The following GOSR2 variants were observed in gnomAD, a reference collection of about 807,000 sequenced individuals.
The protein encoded by GOSR2 is 27 kDa Golgi SNARE protein.
In GOSR2, 20 loss-of-function variants were observed where a neutral mutation model predicts 27.9. That is an observed-to-expected ratio of 0.72 (90% confidence interval 0.50 to 1.04). GOSR2 has a LOEUF of 1.04. GOSR2 is among the 50% of genes least tolerant of loss of function. The probability of loss-of-function intolerance (pLI) is 0.00; values close to 1 mark genes in which losing one functional copy is unlikely to be tolerated. For synonymous variants in GOSR2, 91 were observed against 98.8 expected (o/e 0.92, Z 0.47); for missense variants, 261 against 270.5 (o/e 0.97, Z 0.25).
intron 6 of GOSR2, among the ~76,000 whole-genome samples, chr17:46,956,011 A>T (rs1209061653): frequency 1.3e-5 from 2 of 152,310 alleles, no homozygotes; most frequent in East Asian, 3.9e-4. Flanking sequence ...AAATCTTTCC[A>T]TGCCCCATGG....
At chr17:46,951,783 G>T (rs148490639) in intron 6 of GOSR2, among the ~76,000 whole-genome samples, 10 of 152,210 alleles carry the variant, frequency 6.6e-5, no homozygotes, top group Non-Finnish European at 1.3e-4. Context: ...AGGAAAAATG[G>T]CCCAGGGTGG....
At chr17:46,952,689 A>C (rs899587639) in intron 6 of GOSR2, 1 of 152,248 alleles carries the variant, frequency 6.6e-6, no homozygotes, top group African/African-American at 2.4e-5. Flanking sequence ...CTGAGAATAA[A>C]GTGATCCGAG....
At chr17:46,960,597 C>A (rs2090996611) in intron 6 of GOSR2, among the ~76,000 whole-genome samples, 1 of 152,092 alleles carries the variant, frequency 6.6e-6, no homozygotes, top group Admixed American at 6.6e-5. Context: ...GGATACAACC[C>A]AAATATCCTT....
intron 6 of GOSR2, among the ~76,000 whole-genome samples, chr17:46,959,387 C>T (rs2090927123): frequency 6.6e-6 from 1 of 152,210 alleles, no homozygotes; most frequent in South Asian, 2.1e-4. Context: ...GTCTGGTAGT[C>T]CTCAAAAGCC....
At chr17:46,933,630 C>CATTTTTTTTTTTTTTTTTTTTT in intron 4 of GOSR2, 1 of 35,002 alleles carries the variant, frequency 2.9e-5, no homozygotes, top group African/African-American at 7.6e-5. Context: ...AGTGGCATAA[C>CATTTTTTTTTTTTTTTTTTTTT]CTTTTTTTTT....
At chr17:46,969,864 C>G (rs1469366914), downstream of GOSR2, among the ~76,000 whole-genome samples, 3 of 152,176 alleles carry the variant, frequency 2.0e-5, no homozygotes, top group Non-Finnish European at 4.4e-5. Context: ...TTCGCGATCC[C>G]CTTGCCCCCT....
At chr17:46,943,856 C>A (rs756915764), downstream of GOSR2, among the ~76,000 whole-genome samples, 1 of 152,198 alleles carries the variant, frequency 6.6e-6, no homozygotes, top group African/African-American at 2.4e-5. Flanking sequence ...GTAGAGTGAC[C>A]AACTTGTCTG....
At chr17:46,964,294 C>T (rs929344376) in intron 6 of GOSR2, 1 of 152,272 alleles carries the variant, frequency 6.6e-6, no homozygotes, top group African/African-American at 2.4e-5. Flanking sequence ...ACATTGGACT[C>T]CTCCTCCAGG....
downstream of GOSR2, among the ~76,000 whole-genome samples, chr17:46,967,180 T>C (rs1247360116): frequency 1.3e-5 from 2 of 152,246 alleles, no homozygotes; most frequent in African/African-American, 4.8e-5. Context: ...GCATGTGCCA[T>C]GCACTGTGGC....
chr17:46,953,072 GT>G (rs1172325409), intron 6 of GOSR2, among the ~76,000 whole-genome samples: 1 of 151,706 alleles, frequency 6.6e-6, no homozygotes, highest in Non-Finnish European at 1.5e-5. Context: ...TTTTACGTAA[GT>G]TTTAGGGTAC....
intron 1 of GOSR2, 50 bp from the exon 2 acceptor site, chr17:46,929,470 C>G (rs748057336): frequency 1.1e-6 from 1 of 909,700 alleles, no homozygotes; most frequent in Non-Finnish European, 1.9e-6. Context: ...CTGACTGAAG[C>G]GCTGTTGATT....
downstream of GOSR2, among the ~76,000 whole-genome samples, chr17:46,946,282 C>CAAAA (rs58163051): frequency 1.2e-4 from 15 of 126,654 alleles, no homozygotes; most frequent in East Asian, 6.9e-4. Flanking sequence ...CTAAAAATAC[C>CAAAA]AAAAAAAAAA....
rs536508989 is a variant in GOSR2 at position 46,926,618 on chromosome 17, A to T, written c.30-2902A>T. On this transcript the variant is annotated intron_variant, in intron 1 of 5. Coordinates refer to ENST00000640051, the MANE Select transcript of GOSR2 (RefSeq NM_004287.5). ...CTTGTGTATCACCTGTTTCTTATGGACTTCCAGTGTGTTATGTTGTGTTAG... is the reference window on the plus strand; with the variant it reads ...CTTGTGTATCACCTGTTTCTTATGGTCTTCCAGTGTGTTATGTTGTGTTAG... 4.9e-4 allele frequency among the ~76,000 whole-genome samples: 75 copies of T among 152,218 alleles called. 1 individual carries two copies. The highest frequency in any genetic ancestry group is 1.8e-3 in the African/African-American group (74 of 41,512).
intron 6 of GOSR2, among the ~76,000 whole-genome samples, chr17:46,974,987 C>CTTTTTTTTTTTT (rs58438726): frequency 6.7e-5 from 8 of 119,062 alleles, no homozygotes; most frequent in Non-Finnish European, 1.2e-4. Context: ...TTACTATTTT[C>CTTTTTTTTTTTT]TTTTTTTTTT....
chr17:46,942,700 G>T (rs750694626), downstream of GOSR2, among the ~76,000 whole-genome samples: 2 of 152,258 alleles, frequency 1.3e-5, no homozygotes, highest in Non-Finnish European at 2.9e-5. Flanking sequence ...CTCAGGCCTT[G>T]CCCCTAGGGG....
chr17:46,939,803 G>C lies in GOSR2; in HGVS notation c.*1043G>C. 1.0e-6 allele frequency: 1 copy of C among 987,706 alleles called. No homozygotes were observed. Among genetic ancestry groups the C allele is most frequent in the Non-Finnish European group, 1.2e-6 (1 of 831,170 alleles). 61.2% of individuals were successfully genotyped at this position (987,706 alleles called of 1,614,324 possible). ...CCTTCTGTGACCAGCCCCGGATTCA[G>C]GCTGTACTAATACCAGGTATATTGT... On this transcript the variant is annotated 3_prime_UTR_variant, in exon 6 of 6. Coordinates refer to ENST00000640051, the MANE Select transcript of GOSR2 (RefSeq NM_004287.5).
intron 6 of GOSR2, among the ~76,000 whole-genome samples, chr17:46,958,387 A>C (rs187778045): frequency 4.1e-4 from 63 of 152,368 alleles, no homozygotes; most frequent in African/African-American, 1.4e-3. Flanking sequence ...GGAGCTAGCA[A>C]AGAAGACTGG....
In GOSR2 at chr17:46,939,866, TCTAA is replaced by T. The variant is rs778601184; in HGVS notation, c.*1107_*1110del. 3,991 of 994,072 alleles carry T rather than the reference TCTAA, an allele frequency of 4.0e-3. 9 individuals carry two copies. Among genetic ancestry groups the T allele is most frequent in the Non-Finnish European group, 4.2e-3 (3,538 of 834,030 alleles). The allele number at this position is 994,072 out of a possible 1,614,324, so 61.6% of individuals were successfully genotyped here. On this transcript the variant is annotated 3_prime_UTR_variant, in exon 6 of 6. Coordinates refer to ENST00000640051, the MANE Select transcript of GOSR2 (RefSeq NM_004287.5). Reference sequence around the variant, plus strand: ...AAAGGCCAATCTGTCCTGAAGTCCATCTAATGTGGTGAATCACTGAAAGTCTCAG... The same window carrying T: ...AAAGGCCAATCTGTCCTGAAGTCCATTGTGGTGAATCACTGAAAGTCTCAG...
intron 6 of GOSR2, chr17:46,964,903 G>A (rs2091242726): frequency 1.3e-5 from 2 of 152,236 alleles, no homozygotes; most frequent in African/African-American, 4.8e-5. Context: ...CTGTGATTTG[G>A]CCTCTAACTG....
Sources: allele counts gnomAD v4.1 joint callset (sites outside exome capture counted in the v4.1 genomes callset), GRCh38; gene constraint gnomAD v4.1.1; transcripts MANE v1.5; gene names NCBI Gene and HGNC (gene_info 2026-07-23, HGNC 2026-07-21).